Variants in PCDHA10 observed in about 807,000 individuals in gnomAD.
PCDHA10 encodes protocadherin alpha-10.
Under a neutral mutation model 61.2 loss-of-function variants are expected in PCDHA10, and 45 were observed. That is an observed-to-expected ratio of 0.74 (90% CI 0.58 to 0.94). PCDHA10 has a LOEUF of 0.94. Among genes scored for constraint, PCDHA10 ranks in the 40% least tolerant of loss-of-function variants. The pLI is 0.00. For missense variants in PCDHA10, 1,278 were observed against 1,236.2 expected, an observed-to-expected ratio of 1.03 and a Z score of -0.51; for synonymous variants, 602 against 548.8, an observed-to-expected ratio of 1.10 and a Z score of -1.35.
intron 1 of PCDHA10, among the ~76,000 whole-genome samples, chr5:140,945,222 A>T (rs1019202574): frequency 4.6e-5 from 7 of 152,260 alleles, no homozygotes; most frequent in Middle Eastern, 6.8e-3. Context: ...AAATAAAAAT[A>T]CTTAGGAATA....
intron 1 of PCDHA10, among the ~76,000 whole-genome samples, chr5:140,953,627 T>C (rs1298172951): frequency 6.6e-6 from 1 of 152,178 alleles, no homozygotes; most frequent in Non-Finnish European, 1.5e-5. Context: ...ATTTGCTTTA[T>C]GTATTTTGGC....
At chr5:140,864,648 G>A (rs2048555529) in intron 1 of PCDHA10, 1 of 152,150 alleles carries the variant, frequency 6.6e-6, no homozygotes, top group Non-Finnish European at 1.5e-5. Context: ...AACAATGTCA[G>A]CTCTACTTAA....
chr5:140,878,802 A>T (rs2057733011), intron 1 of PCDHA10, among the ~76,000 whole-genome samples: 1 of 152,224 alleles, frequency 6.6e-6, no homozygotes, highest in Non-Finnish European at 1.5e-5. Context: ...TTTTAAAAAC[A>T]TATGGGGGTC....
At chr5:140,927,094 G>C (rs555838945) in intron 1 of PCDHA10, 4 of 1,612,890 alleles carry the variant, frequency 2.5e-6, no homozygotes. Context: ...CTACTTCGGG[G>C]TGGATCTACC....
chr5:140,973,639 T>C (rs1563426866), intron 1 of PCDHA10, among the ~76,000 whole-genome samples: 2 of 152,362 alleles, frequency 1.3e-5, no homozygotes, highest in East Asian at 3.9e-4. Context: ...GTACACATTC[T>C]GACTGAAGAA....
chr5:140,904,773 CATT>C (rs2071382352), intron 1 of PCDHA10, among the ~76,000 whole-genome samples: 1 of 152,076 alleles, frequency 6.6e-6, no homozygotes, highest in Non-Finnish European at 1.5e-5. Flanking sequence ...GATGGTATCA[CATT>C]ATTGTTTTAA....
At chr5:140,871,308 G>A (rs1554165414) in intron 1 of PCDHA10, 2 of 1,613,998 alleles carry the variant, frequency 1.2e-6, no homozygotes, top group Admixed American at 1.7e-5. Flanking sequence ...CGCCGGGGAA[G>A]CCCACGCTGG....
intron 1 of PCDHA10, chr5:140,882,587 G>A (rs559310344): frequency 6.2e-7 from 1 of 1,614,256 alleles, no homozygotes; most frequent in East Asian, 2.2e-5. Flanking sequence ...CATCCACCTG[G>A]AGGTGATCGT....
At chr5:140,950,559 T>TAA (rs1381352344) in intron 1 of PCDHA10, among the ~76,000 whole-genome samples, 1 of 152,076 alleles carries the variant, frequency 6.6e-6, no homozygotes, top group African/African-American at 2.4e-5. Flanking sequence ...GGGGGACACT[T>TAA]ATTTTAAGGT....
At chr5:140,993,577 T>A (rs1215999612) in intron 3 of PCDHA10, among the ~76,000 whole-genome samples, 1 of 151,978 alleles carries the variant, frequency 6.6e-6, no homozygotes, top group African/African-American at 2.4e-5. Flanking sequence ...CTAGGGATGC[T>A]TTTCTTGGCT....
At chr5:140,862,563 C>G in intron 1 of PCDHA10, 1 of 476,978 alleles carries the variant, frequency 2.1e-6, no homozygotes, top group East Asian at 5.5e-5. Context: ...CAGTGAACCA[C>G]AATGCCCTGG....
intron 1 of PCDHA10, chr5:140,870,919 CT>C (rs1562653796): frequency 5.6e-6 from 9 of 1,613,952 alleles, no homozygotes; most frequent in Non-Finnish European, 7.6e-6. Flanking sequence ...CAACGCGTGG[CT>C]TTCATATGAA....
At chr5:140,904,547 T>C (rs1313461939) in intron 1 of PCDHA10, among the ~76,000 whole-genome samples, 1 of 152,116 alleles carries the variant, frequency 6.6e-6, no homozygotes, top group African/African-American at 2.4e-5. Flanking sequence ...ATCTTTTTCA[T>C]ATAATGACTT....
Position 140,870,886 on chromosome 5 carries a change from G to T in PCDHA10, c.2388+12450G>T, listed in dbSNP as rs17844350. On this transcript the variant is annotated intron_variant, in intron 1 of 3. Coordinates refer to ENST00000307360, the MANE Select transcript of PCDHA10 (RefSeq NM_018901.4). ...GGGCCACGTGGTGGCGAAGGTGCGC[G>T]CAGTGGATGCGGACTCAGGCTACAA... 4,395 of 1,613,944 alleles carry T rather than the reference G, an allele frequency of 2.7e-3. 116 individuals are homozygous for T. The East Asian group carries it at 0.058, about 21-fold the overall frequency.
At chr5:140,953,540 T>C (rs1217393469) in intron 1 of PCDHA10, among the ~76,000 whole-genome samples, 1 of 152,174 alleles carries the variant, frequency 6.6e-6, no homozygotes, top group Non-Finnish European at 1.5e-5. Flanking sequence ...CACTTCATGC[T>C]GATTCTTTTC....
At chr5:140,901,906 G>T (rs1275600408) in intron 1 of PCDHA10, among the ~76,000 whole-genome samples, 1 of 151,902 alleles carries the variant, frequency 6.6e-6, no homozygotes, top group Non-Finnish European at 1.5e-5. Context: ...TCATTGTGGA[G>T]ATCTTTCACT....
intron 1 of PCDHA10, among the ~76,000 whole-genome samples, chr5:140,917,324 CG>C (rs1299895515): frequency 5.3e-5 from 4 of 76,126 alleles, no homozygotes; most frequent in African/African-American, 1.7e-4. Context: ...GTTCATGTGG[CG>C]GGGGAGGGGG....
chr5:140,897,923 G>A (rs371929339), intron 1 of PCDHA10, among the ~76,000 whole-genome samples: 11 of 152,078 alleles, frequency 7.2e-5, no homozygotes, highest in East Asian at 5.8e-4. Flanking sequence ...TTTGATTTGC[G>A]TTTCTCTGAT....
At chr5:140,956,594 T>C (rs2095295015) in intron 1 of PCDHA10, among the ~76,000 whole-genome samples, 1 of 152,210 alleles carries the variant, frequency 6.6e-6, no homozygotes, top group Non-Finnish European at 1.5e-5. Flanking sequence ...TTATCAGGGA[T>C]ATCAGCTGGA....
Sources: allele counts gnomAD v4.1 joint callset (sites outside exome capture counted in the v4.1 genomes callset), GRCh38; gene constraint gnomAD v4.1.1; transcripts MANE v1.5; gene names NCBI Gene and HGNC (gene_info 2026-07-23, HGNC 2026-07-21).